Variants in LIPJ observed in about 807,000 individuals in gnomAD.
LIPJ encodes the protein lipase member J.
Under a neutral mutation model 39.8 loss-of-function variants are expected in LIPJ, and 33 were observed. The observed-to-expected ratio is 0.83, with a 90% CI of 0.63 to 1.11. LIPJ has a LOEUF of 1.11. Ranked by LOEUF, LIPJ falls within the 50% of genes least tolerant of loss-of-function variation. The pLI, the probability that LIPJ is intolerant of heterozygous loss-of-function variation, is 0.00. For synonymous variants in LIPJ, 128 were observed against 139.2 expected, an observed-to-expected ratio of 0.92 and a Z score of 0.57; for missense variants, 422 against 427.9, an observed-to-expected ratio of 0.99 and a Z score of 0.12.
At chr10:88,619,132 C>CG in the LIPJ span, among the ~76,000 whole-genome samples, 2 of 151,242 alleles carry the variant, frequency 1.3e-5, no homozygotes, top group African/African-American at 4.9e-5. Context: ...TGATATAACC[C>CG]GGGCAACCCG....
At chr10:88,599,041 A>G (rs1851371754) in intron 8 of LIPJ, among the ~76,000 whole-genome samples, 1 of 147,036 alleles carries the variant, frequency 6.8e-6, no homozygotes, top group African/African-American at 2.5e-5. Context: ...TATATAGAGG[A>G]CATGATAAAT....
intron 8 of LIPJ, among the ~76,000 whole-genome samples, chr10:88,597,431 C>T (rs534248118): frequency 2.6e-5 from 4 of 151,810 alleles, no homozygotes; most frequent in Non-Finnish European, 5.9e-5. Flanking sequence ...ATTACCAAAA[C>T]CTTTGGATTG....
At chr10:88,611,887 T>C (rs958931465), downstream of LIPJ, among the ~76,000 whole-genome samples, 1 of 152,320 alleles carries the variant, frequency 6.6e-6, no homozygotes, top group Admixed American at 6.5e-5. Context: ...GCTAGAGATC[T>C]AGACATCCAA....
chr10:88,602,552 T>A, intron 8 of LIPJ, 24 bp from the exon 9 acceptor site: 1 of 183,580 alleles, frequency 5.4e-6, no homozygotes, highest in Middle Eastern at 1.1e-3. Flanking sequence ...TAAAAATGCT[T>A]TTTTTTTTTT....
chr10:88,601,385 A>G (rs1851471189), intron 8 of LIPJ, among the ~76,000 whole-genome samples: 1 of 152,032 alleles, frequency 6.6e-6, no homozygotes, highest in African/African-American at 2.4e-5. Flanking sequence ...CATTTAGCTA[A>G]TTGTCAGTGC....
intron 8 of LIPJ, among the ~76,000 whole-genome samples, chr10:88,598,126 C>CA (rs1305194072): frequency 1.3e-5 from 2 of 151,948 alleles, no homozygotes; most frequent in African/African-American, 2.4e-5. Context: ...TTTTCACGCA[C>CA]AGTGTGTTTG....
downstream of LIPJ, among the ~76,000 whole-genome samples, chr10:88,608,052 G>A (rs1851706361): frequency 1.3e-5 from 2 of 152,178 alleles, no homozygotes; most frequent in African/African-American, 4.8e-5. Flanking sequence ...ACAACACTCT[G>A]CTCTTAACAA....
chr10:88,602,668 T>C (rs535056459), intron 9 of LIPJ, 21 bp downstream of exon 9: 3 of 1,470,616 alleles, frequency 2.0e-6, no homozygotes, highest in African/African-American at 1.4e-5. Context: ...TAAAGTGCAT[T>C]TCCATACAAT....
At chr10:88,607,179 A>G (rs1051299855), downstream of LIPJ, among the ~76,000 whole-genome samples, 7 of 152,224 alleles carry the variant, frequency 4.6e-5, no homozygotes, top group African/African-American at 1.7e-4. Flanking sequence ...TTAACATTTC[A>G]ATTGCAGGAG....
At chr10:88,621,569 A>C in the LIPJ span, among the ~76,000 whole-genome samples, 3 of 152,202 alleles carry the variant, frequency 2.0e-5, no homozygotes, top group African/African-American at 7.2e-5. Context: ...TAACTCTTAC[A>C]TTTTTTGACT....
chr10:88,609,705 C>G (rs558012720), downstream of LIPJ, among the ~76,000 whole-genome samples: 8 of 152,130 alleles, frequency 5.3e-5, no homozygotes, highest in East Asian at 1.5e-3. Context: ...TCGGGACCAT[C>G]CTGGCCAACA....
chr10:88,586,306 G>C (rs1850916819), upstream of LIPJ, among the ~76,000 whole-genome samples: 8 of 152,244 alleles, frequency 5.3e-5, no homozygotes, highest in South Asian at 1.7e-3. Flanking sequence ...CTTGGCAGTA[G>C]TGCAGCTTTC....
the LIPJ span, chr10:88,618,434 T>G: frequency 6.6e-6 from 1 of 152,446 alleles, no homozygotes; most frequent in Non-Finnish European, 1.5e-5. Flanking sequence ...GATCAAGAAA[T>G]CAAAGTGTTA....
chr10:88,619,918 T>A, the LIPJ span, among the ~76,000 whole-genome samples: 1 of 151,938 alleles, frequency 6.6e-6, no homozygotes, highest in East Asian at 1.9e-4. Context: ...TTTAAAAAAA[T>A]TAAAAACTTC....
intron 2 of LIPJ, among the ~76,000 whole-genome samples, chr10:88,588,215 A>G (rs866885555): frequency 4.6e-5 from 7 of 151,984 alleles, no homozygotes; most frequent in Middle Eastern, 3.5e-3. Flanking sequence ...AAAATTATTT[A>G]TCTTTTTTAG....
chr10:88,609,039 C>G (rs1022322632), downstream of LIPJ, among the ~76,000 whole-genome samples: 1 of 152,190 alleles, frequency 6.6e-6, no homozygotes, highest in African/African-American at 2.4e-5. Flanking sequence ...GCCGCTTGTT[C>G]AGGCCTGCTC....
At chr10:88,605,666 T>A in exon 10 of LIPJ, 1 of 1,612,080 alleles carries the variant, frequency 6.2e-7, no homozygotes, top group Non-Finnish European at 8.5e-7. Context: ...AGCTTATGAC[T>A]GGGGCAGTCC....
At chr10:88,599,838 A>G (rs1424279306) in intron 8 of LIPJ, among the ~76,000 whole-genome samples, 4 of 151,496 alleles carry the variant, frequency 2.6e-5, no homozygotes, top group South Asian at 4.2e-4. Context: ...CAATATTTTC[A>G]TTTGACAATC....
At chr10:88,614,788 C>A in the LIPJ span, among the ~76,000 whole-genome samples, 1 of 151,928 alleles carries the variant, frequency 6.6e-6, no homozygotes, top group South Asian at 2.1e-4. Flanking sequence ...TATTAAATAT[C>A]AAGAATTATA....
Sources: gnomAD v4.1 joint callset for allele counts (sites outside exome capture counted in the v4.1 genomes callset) on GRCh38, gnomAD v4.1.1 for gene constraint, MANE v1.5 for transcripts, NCBI Gene and HGNC (gene_info 2026-07-23, HGNC 2026-07-21) for gene names.